The following CHODL variants were observed in gnomAD, a reference collection of about 807,000 sequenced individuals.
CHODL encodes the protein transmembrane protein MT75.
In CHODL, 29 loss-of-function variants were observed where a neutral mutation model predicts 34.5. The ratio of observed to expected loss-of-function variants is 0.84; its 90% CI spans 0.63 to 1.15. CHODL has a LOEUF of 1.15. Ranked by LOEUF, CHODL falls within the 50% of genes most tolerant of loss-of-function variation. CHODL has a pLI of 0.00. For synonymous variants in CHODL, 125 were observed against 116.1 expected, an observed-to-expected ratio of 1.08 and a Z score of -0.49; for missense variants, 332 against 332.5, an observed-to-expected ratio of 1.00 and a Z score of 0.01.
intron 1 of CHODL, among the ~76,000 whole-genome samples, chr21:17,957,804 T>C (rs1568816553): frequency 2.0e-5 from 3 of 151,476 alleles, no homozygotes; most frequent in African/African-American, 7.3e-5. Flanking sequence ...AAACAAGAGG[T>C]ATCGGAGTCC....
At chr21:18,041,791 A>C (rs2064378723) in intron 2 of CHODL, among the ~76,000 whole-genome samples, 1 of 151,864 alleles carries the variant, frequency 6.6e-6, no homozygotes, top group South Asian at 2.1e-4. Context: ...TGATTAATAA[A>C]TTACAGGTGA....
intron 2 of CHODL, among the ~76,000 whole-genome samples, chr21:18,225,854 T>C (rs533165780): frequency 6.0e-4 from 91 of 152,158 alleles, no homozygotes; most frequent in Middle Eastern, 3.4e-3. Flanking sequence ...AAAATATAAA[T>C]AGACTGCCTA....
At chr21:18,120,225 C>T (rs2065463383) in intron 2 of CHODL, among the ~76,000 whole-genome samples, 1 of 151,770 alleles carries the variant, frequency 6.6e-6, no homozygotes, top group Non-Finnish European at 1.5e-5. Flanking sequence ...TATTTTCTGA[C>T]TTGTGCAGAC....
At chr21:18,020,666 T>C (rs2064119701) in intron 1 of CHODL, among the ~76,000 whole-genome samples, 1 of 152,240 alleles carries the variant, frequency 6.6e-6, no homozygotes, top group African/African-American at 2.4e-5. Context: ...GCATTTGTTA[T>C]AGACTGAATG....
At chr21:18,175,586 G>C (rs2073297487) in intron 2 of CHODL, among the ~76,000 whole-genome samples, 1 of 149,918 alleles carries the variant, frequency 6.7e-6, no homozygotes, top group South Asian at 2.1e-4. Context: ...GTGCGAGACT[G>C]TCTGGAGAAA....
chr21:18,256,961 T>C lies in CHODL; in HGVS notation c.390-9T>C. The C allele has an allele frequency of 6.2e-7, 1 of 1,610,430 alleles. No homozygotes were observed. The highest frequency in any genetic ancestry group is 8.5e-7 in the Non-Finnish European group (1 of 1,178,330). The stretch of plus-strand genomic sequence containing the variant: ...GTATCTGAGTGTTCCTATTACTCTC[T>C]GTTTGCAGAAACTGGTACACAGATG... On this transcript the variant is annotated splice_polypyrimidine_tract_variant and intron_variant, in intron 2 of 5. Coordinates refer to ENST00000299295, the MANE Select transcript of CHODL (RefSeq NM_024944.3).
chr21:18,163,117 T>C lies in CHODL; in HGVS notation c.-44-93392T>C, dbSNP rs193008324. 3.3e-5 allele frequency among the ~76,000 whole-genome samples: 5 copies of C among 152,364 alleles called. No individual in the cohort carries two copies. In the East Asian group the frequency reaches 7.7e-4, roughly 23 times the overall value. ...TTTACAGTTTGGGGCTATTAACATA[T>C]AGTGCTACTATAAAAATTTTTGTAC... On this transcript the variant is annotated intron_variant, in intron 2 of 6. Coordinates refer to the CHODL transcript ENST00000400127.
Position 18,197,073 on chromosome 21 carries a change from T to A in CHODL, c.-44-59436T>A, listed in dbSNP as rs149154040. Among the ~76,000 whole-genome samples, 274 of 152,328 alleles carry A rather than the reference T, an allele frequency of 1.8e-3. 6 individuals are homozygous for A. The East Asian group carries it at 0.045, about 25-fold the overall frequency. On this transcript the variant is annotated intron_variant, in intron 2 of 6. Coordinates refer to the CHODL transcript ENST00000400127. ...TGATCATAGTAATAATTTCACAATGTATATGTACATCAAAATATTACATTT... is the reference window on the plus strand; with the variant it reads ...TGATCATAGTAATAATTTCACAATGAATATGTACATCAAAATATTACATTT...
At chr21:18,218,342 G>A (rs1442804607) in intron 2 of CHODL, among the ~76,000 whole-genome samples, 2 of 152,218 alleles carry the variant, frequency 1.3e-5, no homozygotes. Flanking sequence ...AGCTGCTAAG[G>A]CTTGGGGCTT....
intron 2 of CHODL, among the ~76,000 whole-genome samples, chr21:18,186,875 T>C (rs1201895410): frequency 6.6e-6 from 1 of 152,202 alleles, no homozygotes; most frequent in Non-Finnish European, 1.5e-5. Context: ...TAAGTCCTAA[T>C]AATGTCCAGC....
intron 2 of CHODL, among the ~76,000 whole-genome samples, chr21:18,074,454 A>T (rs1287034987): frequency 1.3e-5 from 2 of 152,302 alleles, no homozygotes; most frequent in East Asian, 3.9e-4. Context: ...TTTGAAGACA[A>T]AGTAGTAATG....
intron 2 of CHODL, among the ~76,000 whole-genome samples, chr21:18,194,603 TAAA>T (rs35092206): frequency 4.8e-5 from 7 of 145,242 alleles, no homozygotes; most frequent in African/African-American, 1.8e-4. Context: ...GAGTTACTCT[TAAA>T]AAAAAAAAAA....
intron 1 of CHODL, among the ~76,000 whole-genome samples, chr21:17,942,314 TA>T (rs1281415458): frequency 6.6e-6 from 1 of 152,014 alleles, no homozygotes; most frequent in Admixed American, 6.5e-5. Flanking sequence ...CAGTGGGAGG[TA>T]ATTGAATCAT....
chr21:18,137,727 A>G (rs1270017705), intron 2 of CHODL, among the ~76,000 whole-genome samples: 1 of 152,212 alleles, frequency 6.6e-6, no homozygotes, highest in Non-Finnish European at 1.5e-5. Flanking sequence ...AATAACAACG[A>G]TGGTATATAG....
intron 2 of CHODL, among the ~76,000 whole-genome samples, chr21:18,216,840 A>G (rs1312481863): frequency 6.6e-6 from 1 of 151,940 alleles, no homozygotes; most frequent in Non-Finnish European, 1.5e-5. Flanking sequence ...TCTCGTGAGA[A>G]CTCCCTTAAT....
At chr21:18,210,054 G>C (rs1267103178) in intron 2 of CHODL, among the ~76,000 whole-genome samples, 2 of 152,144 alleles carry the variant, frequency 1.3e-5, no homozygotes, top group African/African-American at 4.8e-5. Context: ...CACAACACCA[G>C]GACTTGCCAG....
At chr21:18,236,044 C>T (rs1413406389) in intron 2 of CHODL, among the ~76,000 whole-genome samples, 1 of 152,062 alleles carries the variant, frequency 6.6e-6, no homozygotes, top group Non-Finnish European at 1.5e-5. Context: ...TACATTATCA[C>T]GCTGCTGTAA....
intron 2 of CHODL, among the ~76,000 whole-genome samples, chr21:18,184,553 G>A (rs1051688339): frequency 6.6e-6 from 1 of 152,156 alleles, no homozygotes; most frequent in African/African-American, 2.4e-5. Context: ...TAATCCCCAA[G>A]TATATAAAAC....
At chr21:18,238,923 T>C (rs2074054967) in intron 2 of CHODL, among the ~76,000 whole-genome samples, 1 of 152,154 alleles carries the variant, frequency 6.6e-6, no homozygotes, top group Non-Finnish European at 1.5e-5. Context: ...AGGAAGTACA[T>C]GACTAAGACA....
Sources: gnomAD v4.1 joint callset for allele counts (sites outside exome capture counted in the v4.1 genomes callset) on GRCh38, gnomAD v4.1.1 for gene constraint, MANE v1.5 for transcripts, NCBI Gene and HGNC (gene_info 2026-07-23, HGNC 2026-07-21) for gene names.